SEPTIN9: variants seen among roughly 807,000 people sequenced by gnomAD.
SEPTIN9 encodes the protein septin 9.
In SEPTIN9, 13 loss-of-function variants were observed where a neutral mutation model predicts 56.6. That is an observed-to-expected ratio of 0.23 (90% CI 0.15 to 0.37). SEPTIN9 has a LOEUF of 0.37. Among genes scored for constraint, SEPTIN9 ranks in the 10% least tolerant of loss-of-function variants. SEPTIN9 has a pLI of 1.00. For synonymous variants in SEPTIN9, 332 were observed against 334.1 expected, an observed-to-expected ratio of 0.99 and a Z score of 0.07; for missense variants, 650 against 823.1, an observed-to-expected ratio of 0.79 and a Z score of 2.57.
In SEPTIN9 at chr17:77,475,119, G is replaced by A; in HGVS notation, c.722-7025G>A. On this transcript the variant is annotated intron_variant, in intron 3 of 11. Coordinates refer to ENST00000427177, the MANE Select transcript of SEPTIN9 (RefSeq NM_001113491.2). This position sits in a 1 kb window ranked among gnomAD's most constrained non-coding sequence, Gnocchi z 4.6. ...TTCACCAGACTTTTTGCCGGGGCTT[G>A]CCGTGAGCCCTACGCTGCTCTGAAG... 2 of 631,858 alleles carry A rather than the reference G, an allele frequency of 3.2e-6. No homozygotes were observed. The highest frequency in any genetic ancestry group is 4.2e-6 in the Non-Finnish European group (2 of 480,770). 39.1% of individuals were successfully genotyped at this position (631,858 alleles called of 1,614,324 possible). A position where few individuals can be genotyped will look rare whatever the true frequency, so the allele number is the denominator to read the frequency against.
chr17:77,348,719 G>GA (rs1171769901), intron 2 of SEPTIN9, among the ~76,000 whole-genome samples: 1 of 151,980 alleles, frequency 6.6e-6, no homozygotes, highest in African/African-American at 2.4e-5. Flanking sequence ...TTTCTTCATG[G>GA]AAAAAAAGTG....
chr17:77,337,859 A>G lies in SEPTIN9; in HGVS notation c.76+30662A>G, dbSNP rs192576706. 3.9e-4 allele frequency among the ~76,000 whole-genome samples: 59 copies of G among 152,340 alleles called. No homozygotes were observed. In the East Asian group the frequency reaches 0.011, roughly 28 times the overall value. ...CCTCGGCAATAAAGCAAATATTGCA[A>G]TAAAGCACGTCACACAAACTTTTTG... On this transcript the variant is annotated intron_variant, in intron 2 of 11. Transcript: ENST00000427177.
chr17:77,284,223 G>GGC (rs2031168628), intron 1 of SEPTIN9, among the ~76,000 whole-genome samples: 7 of 151,720 alleles, frequency 4.6e-5, no homozygotes, highest in South Asian at 2.1e-4. Context: ...GAAGCCAGGA[G>GGC]TTCAAGGCTG....
chr17:77,419,204 C>G (rs576549533), intron 3 of SEPTIN9, among the ~76,000 whole-genome samples: 1 of 152,334 alleles, frequency 6.6e-6, no homozygotes, highest in South Asian at 2.1e-4. Flanking sequence ...CCCTCTGCCC[C>G]TCCCCAGGCG....
At chr17:77,385,779 G>A (rs2035315660) in intron 2 of SEPTIN9, among the ~76,000 whole-genome samples, 1 of 152,178 alleles carries the variant, frequency 6.6e-6, no homozygotes, top group South Asian at 2.1e-4. Context: ...AGCACTGCTT[G>A]CTTCTGCATT....
chr17:77,324,688 A>G (rs1252893498), intron 2 of SEPTIN9, among the ~76,000 whole-genome samples: 1 of 152,086 alleles, frequency 6.6e-6, no homozygotes, highest in Non-Finnish European at 1.5e-5. Flanking sequence ...TTTGATTTGG[A>G]TGATTGTTGT....
chr17:77,342,860 G>A (rs1044736722), intron 2 of SEPTIN9, among the ~76,000 whole-genome samples: 5 of 152,142 alleles, frequency 3.3e-5, no homozygotes, highest in Admixed American at 3.3e-4. Context: ...TGCGGTTCCA[G>A]CTACTTGGGA....
At chr17:77,465,709 C>T (rs1280901772) in intron 3 of SEPTIN9, among the ~76,000 whole-genome samples, 2 of 152,072 alleles carry the variant, frequency 1.3e-5, no homozygotes, top group Non-Finnish European at 2.9e-5. Flanking sequence ...CCTGTTGGAG[C>T]CCAGAACAAG....
intron 1 of SEPTIN9, among the ~76,000 whole-genome samples, chr17:77,303,556 A>G (rs911216748): frequency 6.6e-6 from 1 of 151,884 alleles, no homozygotes; most frequent in Non-Finnish European, 1.5e-5. Context: ...TACCGAATAT[A>G]CAAAAATTAG....
Position 77,453,884 on chromosome 17 carries a change from C to T in SEPTIN9, c.722-28260C>T, listed in dbSNP as rs181361545. 5.1e-4 allele frequency: 98 copies of T among 193,966 alleles called. No individual in the cohort carries two copies. The highest frequency in any genetic ancestry group is 1.6e-3 in the Admixed American group (25 of 15,348). The allele number at this position is 193,966 out of a possible 1,614,324, so 12.0% of individuals were successfully genotyped here. ...GTCCTTAGGAGCCCCTTCTCCCTGCCCCCAGGCCTGGTGCAGTGTGTGGCT... is the reference window on the plus strand; with the variant it reads ...GTCCTTAGGAGCCCCTTCTCCCTGCTCCCAGGCCTGGTGCAGTGTGTGGCT... On this transcript the variant is annotated intron_variant, in intron 3 of 11. Transcript: ENST00000427177. This position sits in a 1 kb window ranked among gnomAD's most constrained non-coding sequence, Gnocchi z 4.4.
intron 2 of SEPTIN9, among the ~76,000 whole-genome samples, chr17:77,325,824 ATC>A: frequency 6.6e-6 from 1 of 152,104 alleles, no homozygotes; most frequent in East Asian, 1.9e-4. Flanking sequence ...ACAAGTCTCC[ATC>A]CTGAAGCCAC....
chr17:77,299,171 GT>G (rs910380717), intron 1 of SEPTIN9, among the ~76,000 whole-genome samples: 1 of 152,196 alleles, frequency 6.6e-6, no homozygotes, highest in Non-Finnish European at 1.5e-5. Context: ...AGACTTCAGT[GT>G]TTTTATCTCC....
At chr17:77,366,890 C>T (rs1468819587) in intron 2 of SEPTIN9, among the ~76,000 whole-genome samples, 1 of 152,150 alleles carries the variant, frequency 6.6e-6, no homozygotes, top group Non-Finnish European at 1.5e-5. Flanking sequence ...CTTGGGAGAT[C>T]ATGAATTTAG....
Position 77,451,524 on chromosome 17 carries a change from C to T in SEPTIN9, c.722-30620C>T, listed in dbSNP as rs2037969683. On this transcript the variant is annotated intron_variant, in intron 3 of 11. Coordinates refer to ENST00000427177, the MANE Select transcript of SEPTIN9 (RefSeq NM_001113491.2). This position sits in a 1 kb window ranked among gnomAD's most constrained non-coding sequence, Gnocchi z 4.2. ...TCCAGCGCAGCCCGACGTTCCGCTG[C>T]TGGGGTGAGTCCTGCTCCTTTGTTC... is the stretch of plus-strand genomic sequence containing the variant. 1.0e-6 allele frequency: 1 copy of T among 985,812 alleles called. No individual in the cohort carries two copies. The highest frequency in any genetic ancestry group is 1.7e-5 in the African/African-American group (1 of 57,374). 61.1% of individuals were successfully genotyped at this position (985,812 alleles called of 1,614,324 possible).
intron 2 of SEPTIN9, among the ~76,000 whole-genome samples, chr17:77,393,420 C>T (rs74616457): frequency 0.031 from 4,779 of 152,080 alleles, 251 homozygotes; most frequent in African/African-American, 0.11. Context: ...AGTCAGTGGG[C>T]GTGATTGGTA....
chr17:77,398,024 A>T (rs2035781090), intron 2 of SEPTIN9, among the ~76,000 whole-genome samples: 1 of 139,750 alleles, frequency 7.2e-6, no homozygotes, highest in African/African-American at 2.7e-5. Flanking sequence ...TCCAGGCTGG[A>T]GTGTAGTGGT....
chr17:77,410,098 T>C (rs187651972), intron 3 of SEPTIN9, among the ~76,000 whole-genome samples: 1 of 152,272 alleles, frequency 6.6e-6, no homozygotes, highest in East Asian at 1.9e-4. Flanking sequence ...GGGCTGTAAC[T>C]GACAGGCTAG....
chr17:77,303,032 A>G (rs1330692920), intron 1 of SEPTIN9, among the ~76,000 whole-genome samples: 1 of 151,938 alleles, frequency 6.6e-6, no homozygotes, highest in Admixed American at 6.6e-5. Context: ...ACGCCGGCCC[A>G]TGGTGGGTCC....
chr17:77,322,097 G>A (rs755258094), intron 2 of SEPTIN9, among the ~76,000 whole-genome samples: 9 of 152,198 alleles, frequency 5.9e-5, no homozygotes, highest in South Asian at 2.1e-4. Context: ...GGGGAGCCTC[G>A]GGTTCGGCCT....
Sources: gnomAD v4.1 joint callset for allele counts (sites outside exome capture counted in the v4.1 genomes callset) on GRCh38, gnomAD v4.1.1 for gene constraint, Gnocchi (gnomAD v3.1) non-coding constraint, MANE v1.5 for transcripts, NCBI Gene and HGNC (gene_info 2026-07-23, HGNC 2026-07-21) for gene names.